The following ZNF276 variants were observed in gnomAD, a reference collection of about 807,000 sequenced individuals.
The protein encoded by ZNF276 is zinc finger protein 276, also known as centromere protein Z.
In ZNF276, 59 loss-of-function variants were observed where a neutral mutation model predicts 63.9. The ratio of observed to expected loss-of-function variants is 0.92; its 90% CI spans 0.75 to 1.15. The LOEUF (loss-of-function observed/expected upper bound fraction) is 1.15, where lower values mean the gene tolerates loss of function less well. ZNF276 is among the 50% of genes most tolerant of loss of function. The pLI, the probability that ZNF276 is intolerant of heterozygous loss-of-function variation, is 0.00. For synonymous variants in ZNF276, 496 were observed against 348.4 expected, an observed-to-expected ratio of 1.42 and a Z score of -4.72; for missense variants, 1,084 against 843.8, an observed-to-expected ratio of 1.28 and a Z score of -3.53.
At chr16:89,733,256 A>T in intron 6 of ZNF276, 46 bp from the exon 7 acceptor site, 1 of 1,555,134 alleles carries the variant, frequency 6.4e-7, no homozygotes, top group South Asian at 1.1e-5. Flanking sequence ...AACATTTTGC[A>T]AATGGAGATC....
Position 89,727,365 on chromosome 16 carries a change from A to C in ZNF276, c.1085+8A>C. On this transcript the variant is annotated splice_region_variant and intron_variant, in intron 5 of 10. Transcript: ENST00000443381. ...CAGTGACCTTTCTGAGGGGTGAGAG[A>C]AGAGTGGGTTTAAACAGCCTAAAAT... 6.2e-7 allele frequency: 1 copy of C among 1,613,782 alleles called. No individual in the cohort carries two copies. The highest frequency in any genetic ancestry group is 8.5e-7 in the Non-Finnish European group (1 of 1,179,870).
chr16:89,737,624 G>GTA, intron 9 of ZNF276, 182 bp from the exon 10 acceptor site: 1 of 1,194,962 alleles, frequency 8.4e-7, no homozygotes, highest in Non-Finnish European at 1.1e-6. Context: ...ACGTGACAGT[G>GTA]TATAAAGCAG....
chr16:89,740,027 A>T lies in ZNF276; in HGVS notation c.*1781A>T, dbSNP rs765162125. On this transcript the variant is annotated 3_prime_UTR_variant, in exon 11 of 11. Coordinates refer to ENST00000443381, the MANE Select transcript of ZNF276 (RefSeq NM_001113525.2). ...GTCAACTGAAAGAGTGCCAGCCAGGATATCTTCCTCTTCTCTAAACACTCG... is the reference window on the plus strand; with the variant it reads ...GTCAACTGAAAGAGTGCCAGCCAGGTTATCTTCCTCTTCTCTAAACACTCG... 2.3e-5 allele frequency: 37 copies of T among 1,614,048 alleles called. No homozygotes were observed. Among genetic ancestry groups the T allele is most frequent in the Middle Eastern group, 1.6e-4 (1 of 6,084 alleles).
At chr16:89,724,243 G>C (rs2061400294) in intron 4 of ZNF276, among the ~76,000 whole-genome samples, 1 of 152,218 alleles carries the variant, frequency 6.6e-6, no homozygotes, top group African/African-American at 2.4e-5. Flanking sequence ...GGCTGGTGCA[G>C]CTGCTCCTGG....
chr16:89,723,414 C>T lies in ZNF276; in HGVS notation c.711C>T (p.Gly237=). Residue 237 remains glycine, a synonymous_variant, in exon 4 of 11, where the codon GGC becomes GGT. Transcript: ENST00000443381. The part of the protein sequence containing the change: ...VIQVVWGCDQ[G]HDYTMDTSSS... ...AGGTCGTGTGGGGCTGCGACCAGGG[C>T]CACGACTACACCATGGATACCAGCT... is the stretch of plus-strand genomic sequence containing the variant. The T allele has an allele frequency of 2.5e-6, 4 of 1,613,066 alleles. No individual in the cohort carries two copies. Among genetic ancestry groups the T allele is most frequent in the Non-Finnish European group, 3.4e-6 (4 of 1,180,040 alleles).
chr16:89,729,266 A>T lies in ZNF276; in HGVS notation c.1117A>T (p.Lys373Ter). The T allele has an allele frequency of 6.2e-7, 1 of 1,614,164 alleles. No individual in the cohort carries two copies. ...DVLSEDENDK[K>*]QNAQSSDESF... is the part of the protein sequence containing the mutation. ...CTTGAGTGAAGATGAAAATGACAAG[A>T]AGCAAAATGCCCAGTCTTCGGACGA... Residue 373 changes from lysine to a stop codon, truncating the protein, a stop_gained, in exon 6 of 11, where the codon AAG becomes TAG. Coordinates refer to ENST00000443381, the MANE Select transcript of ZNF276 (RefSeq NM_001113525.2). LOFTEE classifies it high-confidence loss of function.
At position 89,740,260 on chromosome 16, in the gene ZNF276, G is replaced by A; in HGVS notation, c.*2014G>A. 1 of 691,270 alleles carries A rather than the reference G, an allele frequency of 1.4e-6. No homozygotes were observed. The highest frequency in any genetic ancestry group is 2.6e-5 in the East Asian group (1 of 37,752). 42.8% of individuals were successfully genotyped at this position (691,270 alleles called of 1,614,324 possible). Reference sequence around the variant, plus strand: ...TATAGAAGGTAATACTGGGCCTCTGGACAGAAGAGGCTCAGGTAGGAGGCC... The same window carrying A: ...TATAGAAGGTAATACTGGGCCTCTGAACAGAAGAGGCTCAGGTAGGAGGCC... On this transcript the variant is annotated 3_prime_UTR_variant, in exon 11 of 11. Coordinates refer to ENST00000443381, the MANE Select transcript of ZNF276 (RefSeq NM_001113525.2).
chr16:89,728,564 G>A (rs1002141648), intron 5 of ZNF276, among the ~76,000 whole-genome samples: 25 of 152,218 alleles, frequency 1.6e-4, no homozygotes, highest in East Asian at 7.7e-4. Flanking sequence ...CACCACGCCC[G>A]GCTAATTTTT....
intron 6 of ZNF276, among the ~76,000 whole-genome samples, chr16:89,731,336 C>T (rs1282506286): frequency 1.3e-5 from 2 of 152,238 alleles, no homozygotes; most frequent in African/African-American, 4.8e-5. Flanking sequence ...TCACTGCAAC[C>T]TCCGCCTCCC....
In ZNF276 at chr16:89,738,581, G is replaced by C. The variant is rs761241462; in HGVS notation, c.*335G>C. 3.1e-6 allele frequency: 5 copies of C among 1,613,016 alleles called. No homozygotes were observed. The highest frequency in any genetic ancestry group is 4.2e-6 in the Non-Finnish European group (5 of 1,180,028). ...AATTATTTACACGGGAGCTGGGCTG[G>C]TGTGCAGTGGCAGGTCCCGTCAGAA... On this transcript the variant is annotated 3_prime_UTR_variant, in exon 11 of 11. Transcript: ENST00000443381.
In ZNF276 at chr16:89,723,084, G is replaced by A. The variant is rs564829314; in HGVS notation, c.510-53G>A. The A allele has an allele frequency of 8.1e-5, 130 of 1,612,450 alleles. 1 individual carries two copies. In the South Asian group the frequency reaches 1.3e-3, roughly 16 times the overall value. On this transcript the variant is annotated intron_variant, in intron 2 of 10. Transcript: ENST00000443381. ...CTCGAGAGGGTCCCGTACGACGAGCGCTGTGAACCTCCGCCTGCTTGTCCT... is the reference window on the plus strand; with the variant it reads ...CTCGAGAGGGTCCCGTACGACGAGCACTGTGAACCTCCGCCTGCTTGTCCT...
At chr16:89,721,531 T>A (rs915220485), upstream of ZNF276, 6 of 927,994 alleles carry the variant, frequency 6.5e-6, no homozygotes, top group Non-Finnish European at 8.8e-6. Flanking sequence ...GCTCCGCCCC[T>A]CCCCCGCCCC....
At chr16:89,720,839 C>A (rs1011100710), upstream of ZNF276, 3 of 1,426,464 alleles carry the variant, frequency 2.1e-6, no homozygotes, top group Non-Finnish European at 2.8e-6. Context: ...CTTCACCGTG[C>A]CGTCCCCGGC....
rs2061502410 is a variant in ZNF276 at position 89,727,465 on chromosome 16, C to T, written c.1085+108C>T. 4 of 1,298,728 alleles carry T rather than the reference C, an allele frequency of 3.1e-6. No individual in the cohort carries two copies. In the East Asian group the frequency reaches 7.0e-5, roughly 23 times the overall value. 80.5% of individuals were successfully genotyped at this position (1,298,728 alleles called of 1,614,324 possible). On this transcript the variant is annotated intron_variant, in intron 5 of 10. Transcript: ENST00000443381. Reference sequence around the variant, plus strand: ...GGGTTTAAACAGCCTAAAATTTCTCCTTCAAAAACCAAACAGCCATCGTAG... The same window carrying T: ...GGGTTTAAACAGCCTAAAATTTCTCTTTCAAAAACCAAACAGCCATCGTAG...
chr16:89,739,888 A>G lies in ZNF276; in HGVS notation c.*1642A>G. 1 of 1,566,118 alleles carries G rather than the reference A, an allele frequency of 6.4e-7. No individual in the cohort carries two copies. The highest frequency in any genetic ancestry group is 2.3e-5 in the East Asian group (1 of 44,404). On this transcript the variant is annotated 3_prime_UTR_variant, in exon 11 of 11. Transcript: ENST00000443381. ...GTCCCAACTAAAATGGAGCTTATAA[A>G]CTTACTTAGCAAGGAACCTCAAGGA...
intron 6 of ZNF276, chr16:89,731,991 C>T (rs924335233): frequency 2.6e-5 from 4 of 152,220 alleles, no homozygotes; most frequent in South Asian, 2.1e-4. Flanking sequence ...TGAGAGAATC[C>T]GTATCTTGTT....
Position 89,739,261 on chromosome 16 carries a change from C to T in ZNF276, c.*1015C>T, listed in dbSNP as rs751928369. On this transcript the variant is annotated 3_prime_UTR_variant, in exon 11 of 11. Coordinates refer to ENST00000443381, the MANE Select transcript of ZNF276 (RefSeq NM_001113525.2). ...TGCAGGAAGGCCTCTTCCCTGATGG[C>T]CGCGTCTTCATGGAAGTAGGAGAGA... 1.2e-6 allele frequency: 2 copies of T among 1,614,154 alleles called. No homozygotes were observed. The highest frequency in any genetic ancestry group is 1.7e-6 in the Non-Finnish European group (2 of 1,180,042).
chr16:89,730,702 G>A (rs1156315403), intron 6 of ZNF276, among the ~76,000 whole-genome samples: 1 of 152,176 alleles, frequency 6.6e-6, no homozygotes, highest in African/African-American at 2.4e-5. Context: ...TAGCAAGCAT[G>A]GCCTCCTGAC....
In ZNF276 at chr16:89,738,775, C is replaced by T; in HGVS notation, c.*529C>T. 6.2e-7 allele frequency: 1 copy of T among 1,612,446 alleles called. No homozygotes were observed. The highest frequency in any genetic ancestry group is 8.5e-7 in the Non-Finnish European group (1 of 1,179,406). Reference sequence around the variant, plus strand: ...GGCCTCAGACCACAGGGGAGGGGCTCTGGCAGAAATAGTCGAGTTGTATTG... The same window carrying T: ...GGCCTCAGACCACAGGGGAGGGGCTTTGGCAGAAATAGTCGAGTTGTATTG... On this transcript the variant is annotated 3_prime_UTR_variant, in exon 11 of 11. Transcript: ENST00000443381.
Sources: gnomAD v4.1 joint callset for allele counts (sites outside exome capture counted in the v4.1 genomes callset) on GRCh38, gnomAD v4.1.1 for gene constraint, MANE v1.5 for transcripts, NCBI Gene and HGNC (gene_info 2026-07-23, HGNC 2026-07-21) for gene names.